Variants in NOL4 observed in about 807,000 individuals in gnomAD.
NOL4 encodes cancer/testis antigen 125.
A neutral mutation model predicts 75.9 loss-of-function variants in NOL4; 17 were observed. The ratio of observed to expected loss-of-function variants is 0.22; its 90% CI spans 0.15 to 0.34. The LOEUF is 0.34. Among genes scored for constraint, NOL4 ranks in the 10% least tolerant of loss-of-function variants. NOL4 has a pLI of 1.00. For synonymous variants in NOL4, 292 were observed against 289.9 expected, an observed-to-expected ratio of 1.01 and a Z score of -0.07; for missense variants, 614 against 793.5, an observed-to-expected ratio of 0.77 and a Z score of 2.72.
intron 1 of NOL4, among the ~76,000 whole-genome samples, chr18:34,151,609 T>C (rs1284282034): frequency 1.3e-5 from 2 of 151,874 alleles, no homozygotes; most frequent in Non-Finnish European, 2.9e-5. Context: ...AACTATTCTG[T>C]ATGACACTAT....
chr18:34,142,992 G>T (rs2081245572), intron 1 of NOL4, among the ~76,000 whole-genome samples: 1 of 151,448 alleles, frequency 6.6e-6, no homozygotes, highest in Admixed American at 6.6e-5. Flanking sequence ...GCTCAATAAA[G>T]CTGTTAAAAT....
intron 8 of NOL4, among the ~76,000 whole-genome samples, chr18:33,950,847 T>G (rs1390530943): frequency 2.0e-5 from 3 of 152,136 alleles, no homozygotes; most frequent in Non-Finnish European, 4.4e-5. Flanking sequence ...ACTGTGAAAT[T>G]CAATTTCAGA....
chr18:33,879,209 C>G (rs1352048924), intron 10 of NOL4, among the ~76,000 whole-genome samples: 10 of 152,038 alleles, frequency 6.6e-5, no homozygotes, highest in African/African-American at 2.2e-4. Context: ...GGAATATTCT[C>G]GCTTTTATTC....
chr18:34,144,621 G>T (rs1372430793), intron 1 of NOL4, among the ~76,000 whole-genome samples: 17 of 152,054 alleles, frequency 1.1e-4, no homozygotes, highest in Admixed American at 1.1e-3. Context: ...TTAACACACT[G>T]AAATGATTGA....
chr18:34,024,013 G>C (rs1200754158), intron 5 of NOL4, among the ~76,000 whole-genome samples: 1 of 151,210 alleles, frequency 6.6e-6, no homozygotes, highest in African/African-American at 2.4e-5. Context: ...TGTATGAAGA[G>C]AATTGGCCTA....
chr18:33,854,862 G>A (rs1169818245), intron 10 of NOL4, among the ~76,000 whole-genome samples: 2 of 151,814 alleles, frequency 1.3e-5, no homozygotes, highest in Non-Finnish European at 2.9e-5. Flanking sequence ...TCTAAAGTGA[G>A]GGAGATTGAT....
Position 34,099,891 on chromosome 18 carries a change from G to T in NOL4, c.639+4156C>A, listed in dbSNP as rs183846423. On this transcript the variant is annotated intron_variant, in intron 4 of 10. Transcript: ENST00000261592. ...CCATGCCCCTATATAGCTGGACATAGAGATGAGCAATTATTTAAATGACTT... is the reference window on the plus strand; with the variant it reads ...CCATGCCCCTATATAGCTGGACATATAGATGAGCAATTATTTAAATGACTT... 9.7e-4 allele frequency among the ~76,000 whole-genome samples: 148 copies of T among 152,150 alleles called. 1 individual carries two copies. The highest frequency in any genetic ancestry group is 3.3e-3 in the African/African-American group (137 of 41,526).
At chr18:34,173,504 G>A (rs948792274) in intron 1 of NOL4, among the ~76,000 whole-genome samples, 1 of 151,902 alleles carries the variant, frequency 6.6e-6, no homozygotes, top group Non-Finnish European at 1.5e-5. Flanking sequence ...TCGTCATGTT[G>A]TATACCTTGG....
At chr18:34,039,273 A>G (rs1210548068) in intron 5 of NOL4, among the ~76,000 whole-genome samples, 1 of 152,000 alleles carries the variant, frequency 6.6e-6, no homozygotes, top group Admixed American at 6.6e-5. Flanking sequence ...GAGTAGCATA[A>G]TAGCATAATA....
At chr18:34,095,245 A>ATGCGTATGTGTG (rs2078717540) in intron 4 of NOL4, among the ~76,000 whole-genome samples, 1 of 94,298 alleles carries the variant, frequency 1.1e-5, no homozygotes. Context: ...CTAAATTCTA[A>ATGCGTATGTGTG]TGTGTATGTG....
chr18:33,983,350 G>A (rs1477372427), intron 6 of NOL4, among the ~76,000 whole-genome samples: 1 of 151,880 alleles, frequency 6.6e-6, no homozygotes, highest in Non-Finnish European at 1.5e-5. Flanking sequence ...ATGATAACGT[G>A]TCATTGTAGG....
At chr18:33,928,657 A>G (rs1228425368) in intron 9 of NOL4, among the ~76,000 whole-genome samples, 1 of 152,190 alleles carries the variant, frequency 6.6e-6, no homozygotes, top group African/African-American at 2.4e-5. Flanking sequence ...TGCACTAAGG[A>G]AGAAATTTAA....
intron 1 of NOL4, among the ~76,000 whole-genome samples, chr18:34,208,702 CA>C (rs1193128002): frequency 5.5e-5 from 8 of 146,118 alleles, no homozygotes; most frequent in African/African-American, 7.5e-5. Flanking sequence ...CTAAAATCAC[CA>C]AAAAAAAAAT....
At chr18:34,151,871 G>A (rs892874875) in intron 1 of NOL4, among the ~76,000 whole-genome samples, 2 of 151,674 alleles carry the variant, frequency 1.3e-5, no homozygotes, top group African/African-American at 4.8e-5. Flanking sequence ...AAAATGAGAG[G>A]GGGAAAAGGA....
intron 5 of NOL4, among the ~76,000 whole-genome samples, chr18:34,033,510 G>A (rs1040169361): frequency 1.3e-5 from 2 of 151,834 alleles, no homozygotes; most frequent in Non-Finnish European, 2.9e-5. Flanking sequence ...AAAAAATAAA[G>A]AGAATAAAAA....
intron 9 of NOL4, among the ~76,000 whole-genome samples, chr18:33,938,189 G>A (rs561684478): frequency 3.3e-5 from 5 of 152,102 alleles, no homozygotes; most frequent in Non-Finnish European, 5.9e-5. Context: ...TCTCTGGGCC[G>A]CAGTTTTCTT....
At chr18:33,876,708 G>GAA (rs2144579110) in intron 10 of NOL4, among the ~76,000 whole-genome samples, 1 of 152,152 alleles carries the variant, frequency 6.6e-6, no homozygotes, top group African/African-American at 2.4e-5. Context: ...GGAATTCCCA[G>GAA]AATTTATGAA....
rs77636046 is a variant in NOL4 at position 33,874,159 on chromosome 18, T to A, written c.1723+9085A>T. ...TTTCTAGTTGAAATTGTAAGAGCTATGAGTTCTATCTTGGTCATTATGCAG... is the reference window on the plus strand; with the variant it reads ...TTTCTAGTTGAAATTGTAAGAGCTAAGAGTTCTATCTTGGTCATTATGCAG... On this transcript the variant is annotated intron_variant, in intron 10 of 10. Coordinates refer to ENST00000261592, the MANE Select transcript of NOL4 (RefSeq NM_003787.5). 5.5e-3 allele frequency among the ~76,000 whole-genome samples: 840 copies of A among 151,958 alleles called. 11 individuals are homozygous for A. The highest frequency in any genetic ancestry group is 0.019 in the African/African-American group (790 of 41,500).
chr18:34,157,128 G>C (rs548306509), intron 1 of NOL4: 3 of 152,016 alleles, frequency 2.0e-5, no homozygotes, highest in East Asian at 3.9e-4. Flanking sequence ...ATCCTGTGTA[G>C]AGTACTCTTC....
Sources: gnomAD v4.1 joint callset for allele counts (sites outside exome capture counted in the v4.1 genomes callset) on GRCh38, gnomAD v4.1.1 for gene constraint, MANE v1.5 for transcripts, NCBI Gene and HGNC (gene_info 2026-07-23, HGNC 2026-07-21) for gene names.